Variants in CCBE1 observed in about 807,000 individuals in gnomAD.
CCBE1 encodes collagen and calcium binding EGF domains 1, also known as collagen and calcium-binding EGF domain-containing protein 1.
Under a neutral mutation model 50.0 loss-of-function variants are expected in CCBE1, and 37 were observed. The observed-to-expected ratio is 0.74, with a 90% CI of 0.57 to 0.97. The LOEUF is 0.97. CCBE1 is among the 50% of genes least tolerant of loss of function. The probability of loss-of-function intolerance (pLI) is 0.00; values close to 1 mark genes in which losing one functional copy is unlikely to be tolerated. For synonymous variants in CCBE1, 234 were observed against 203.7 expected (o/e 1.15, Z -1.27); for missense variants, 538 against 523.8 (o/e 1.03, Z -0.26).
At chr18:59,531,027 G>A (rs1915027225) in intron 2 of CCBE1, among the ~76,000 whole-genome samples, 1 of 146,548 alleles carries the variant, frequency 6.8e-6, no homozygotes, top group Admixed American at 6.9e-5. Flanking sequence ...CCTGAATTGA[G>A]GAGTTTAAAC....
chr18:59,484,767 C>T (rs1039142807), intron 2 of CCBE1, among the ~76,000 whole-genome samples: 5 of 152,150 alleles, frequency 3.3e-5, no homozygotes, highest in South Asian at 2.1e-4. Context: ...GATTCCAGTG[C>T]GCCCTTCTGT....
intron 2 of CCBE1, among the ~76,000 whole-genome samples, chr18:59,558,964 C>T (rs1160423646): frequency 6.6e-6 from 1 of 152,190 alleles, no homozygotes. Flanking sequence ...TTCTGTTCAT[C>T]CACTCACTCC....
chr18:59,653,582 GA>G (rs1411431663), intron 2 of CCBE1, among the ~76,000 whole-genome samples: 9 of 152,112 alleles, frequency 5.9e-5, no homozygotes, highest in Non-Finnish European at 1.3e-4. Flanking sequence ...TTCTGCTGAG[GA>G]AATTAAAGCA....
chr18:59,641,703 T>G (rs569516973), intron 2 of CCBE1, among the ~76,000 whole-genome samples: 2 of 152,266 alleles, frequency 1.3e-5, no homozygotes, highest in African/African-American at 4.8e-5. Context: ...GTAATCAGAA[T>G]AGCTTGATAT....
In CCBE1 at chr18:59,635,184, G is replaced by A. The variant is rs147955693; in HGVS notation, c.212+61445C>T. ...TATTAGACTTTTGCAGCTACAAATG[G>A]AGGCCAGATGACAATGAAATCATAG... On this transcript the variant is annotated intron_variant, in intron 2 of 10. Transcript: ENST00000439986. Among the ~76,000 whole-genome samples the A allele has an allele frequency of 4.2e-3, 636 of 152,320 alleles. 3 individuals are homozygous for A. The highest frequency in any genetic ancestry group is 8.7e-3 in the Admixed American group (133 of 15,290).
At chr18:59,650,379 C>T (rs2054111276) in intron 2 of CCBE1, among the ~76,000 whole-genome samples, 1 of 150,858 alleles carries the variant, frequency 6.6e-6, no homozygotes, top group African/African-American at 2.4e-5. Context: ...TGACCCCCTT[C>T]CTCCCTAGGT....
At chr18:59,672,903 T>G (rs1283655701) in intron 2 of CCBE1, among the ~76,000 whole-genome samples, 1 of 152,036 alleles carries the variant, frequency 6.6e-6, no homozygotes, top group Admixed American at 6.6e-5. Flanking sequence ...TTGGTTTCAG[T>G]GTATATTGCT....
intron 2 of CCBE1, among the ~76,000 whole-genome samples, chr18:59,592,527 A>G (rs986390721): frequency 2.0e-5 from 3 of 152,270 alleles, no homozygotes; most frequent in African/African-American, 7.2e-5. Context: ...ATAAAATGAC[A>G]TCTACAATAT....
At chr18:59,452,046 G>A (rs1015630664) in intron 6 of CCBE1, among the ~76,000 whole-genome samples, 2 of 152,154 alleles carry the variant, frequency 1.3e-5, no homozygotes, top group Non-Finnish European at 2.9e-5. Context: ...AAAAGTGATA[G>A]GTCCTTTAAG....
intron 2 of CCBE1, among the ~76,000 whole-genome samples, chr18:59,518,682 C>T (rs769418637): frequency 2.0e-5 from 3 of 152,190 alleles, no homozygotes; most frequent in Non-Finnish European, 4.4e-5. Context: ...GAGATGCTTG[C>T]AGCAGACACT....
chr18:59,475,894 T>G (rs1180560604), intron 3 of CCBE1, among the ~76,000 whole-genome samples: 1 of 152,140 alleles, frequency 6.6e-6, no homozygotes, highest in African/African-American at 2.4e-5. Flanking sequence ...AATTTTTGTA[T>G]TTTTAGTAGA....
chr18:59,474,551 A>G (rs1039272029), intron 3 of CCBE1, among the ~76,000 whole-genome samples: 1 of 152,154 alleles, frequency 6.6e-6, no homozygotes, highest in South Asian at 2.1e-4. Flanking sequence ...TCAAAATTCA[A>G]TGTGTGAGCA....
chr18:59,466,616 T>C (rs112936302), intron 5 of CCBE1, 123 bp downstream of exon 5: 44 of 446,228 alleles, frequency 9.9e-5, no homozygotes, highest in African/African-American at 8.5e-4. Flanking sequence ...CATAATTACA[T>C]AAATATATTT....
intron 2 of CCBE1, among the ~76,000 whole-genome samples, chr18:59,525,306 T>C (rs979642614): frequency 6.6e-6 from 1 of 152,244 alleles, no homozygotes; most frequent in Non-Finnish European, 1.5e-5. Flanking sequence ...GCGGTTTTGA[T>C]TTGCCTTTCT....
chr18:59,466,817 A>G lies in CCBE1; in HGVS notation c.475T>C (p.Cys159Arg). Residue 159 changes from cysteine to arginine, a missense_variant, in exon 5 of 11, where the codon TGC becomes CGC. By Grantham distance (180) the Cys-to-Arg change is radical. Coordinates refer to ENST00000439986, the MANE Select transcript of CCBE1 (RefSeq NM_133459.4). Reference protein sequence around the residue: ...ICINTLGSYRCECREGYIRED... With the variant: ...ICINTLGSYRRECREGYIRED... Reference sequence around the variant, plus strand: ...CGGATGTAGCCTTCCCGGCACTCGCAGCGGTAGCTGCCCAAGGTATTGATG... The same window carrying G: ...CGGATGTAGCCTTCCCGGCACTCGCGGCGGTAGCTGCCCAAGGTATTGATG... The G allele has an allele frequency of 6.2e-7, 1 of 1,613,822 alleles. No individual in the cohort carries two copies. Among genetic ancestry groups the G allele is most frequent in the Non-Finnish European group, 8.5e-7 (1 of 1,179,940 alleles).
intron 2 of CCBE1, among the ~76,000 whole-genome samples, chr18:59,567,031 G>C (rs970474895): frequency 2.0e-5 from 3 of 152,230 alleles, no homozygotes; most frequent in African/African-American, 4.8e-5. Flanking sequence ...TGTAAGCAAA[G>C]AGGTGAGAGG....
At chr18:59,597,801 T>C (rs144637042) in intron 2 of CCBE1, among the ~76,000 whole-genome samples, 2 of 152,256 alleles carry the variant, frequency 1.3e-5, no homozygotes, top group Non-Finnish European at 2.9e-5. Flanking sequence ...TGAGGTCTTA[T>C]TACCATCCAG....
chr18:59,536,990 CAA>C lies in CCBE1; in HGVS notation c.213-56754_213-56753del, dbSNP rs34336757. Among the ~76,000 whole-genome samples the C allele has an allele frequency of 1.0e-3, 92 of 91,786 alleles. 1 individual carries two copies. Among genetic ancestry groups the C allele is most frequent in the African/African-American group, 2.7e-3 (74 of 27,278 alleles). The allele number at this position is 91,786 out of a possible 152,430, so 60.2% of individuals were successfully genotyped here. A position where few individuals can be genotyped will look rare whatever the true frequency, so the allele number is the denominator to read the frequency against. ...CTGGCAACAGAGTGAGACTCTGTCTCAAAAAAAAAAAAAAAAAATGGATGTTT... is the reference window on the plus strand; with the variant it reads ...CTGGCAACAGAGTGAGACTCTGTCTCAAAAAAAAAAAAAAAATGGATGTTT... On this transcript the variant is annotated intron_variant, in intron 2 of 10. Transcript: ENST00000439986.
At chr18:59,570,432 T>C (rs771923897) in intron 2 of CCBE1, among the ~76,000 whole-genome samples, 6 of 152,204 alleles carry the variant, frequency 3.9e-5, no homozygotes, top group Non-Finnish European at 7.3e-5. Context: ...CCACCAGTTT[T>C]TGATGAGGGG....
Sources: allele counts gnomAD v4.1 joint callset (sites outside exome capture counted in the v4.1 genomes callset), GRCh38; gene constraint gnomAD v4.1.1; transcripts MANE v1.5; gene names NCBI Gene and HGNC (gene_info 2026-07-23, HGNC 2026-07-21).